The following ADAMTSL1 variants were observed in gnomAD, a reference collection of about 807,000 sequenced individuals.
ADAMTSL1 encodes the protein ADAMTS like 1.
Under a neutral mutation model 201.8 loss-of-function variants are expected in ADAMTSL1, and 126 were observed. That is an observed-to-expected ratio of 0.62 (90% CI 0.54 to 0.72). The LOEUF (loss-of-function observed/expected upper bound fraction) is 0.72. Among genes scored for constraint, ADAMTSL1 ranks in the 30% least tolerant of loss-of-function variants. The pLI, the probability that ADAMTSL1 is intolerant of heterozygous loss-of-function variation, is 0.00. For synonymous variants in ADAMTSL1, 1,121 were observed against 903.4 expected (o/e 1.24, Z -4.32); for missense variants, 2,679 against 2,277.8 (o/e 1.18, Z -3.59).
At chr9:18,657,586 C>T (rs1445757512) in intron 7 of ADAMTSL1, 53 bp from the exon 8 acceptor site, 1 of 1,391,858 alleles carries the variant, frequency 7.2e-7, no homozygotes, top group South Asian at 1.2e-5. Context: ...CTGCAAGGGA[C>T]CAGAAAGCAC....
At chr9:18,283,906 A>T in intron 2 of ADAMTSL1, among the ~76,000 whole-genome samples, 1 of 144,004 alleles carries the variant, frequency 6.9e-6, no homozygotes, top group Non-Finnish European at 1.5e-5. Flanking sequence ...CAACAGAGCA[A>T]GACTCCGTCT....
intron 2 of ADAMTSL1, among the ~76,000 whole-genome samples, chr9:18,403,886 G>C (rs1390428273): frequency 6.6e-6 from 1 of 152,044 alleles, no homozygotes; most frequent in Admixed American, 6.6e-5. Context: ...TTAACTTTGA[G>C]GGCCTGTTGT....
chr9:18,473,933 C>T (rs184365154), upstream of ADAMTSL1: 1 of 388,544 alleles, frequency 2.6e-6, no homozygotes, highest in Non-Finnish European at 4.6e-6. Context: ...CTTTCTTTTT[C>T]GTCCTTTTCC....
In ADAMTSL1 at chr9:18,525,142, A is replaced by T. The variant is rs551706750; in HGVS notation, c.192-8105A>T. ...GAGCCTGTTATTGGTCTAGTCAGGG[A>T]TTCAACTTCTTCCTGGTTTAGTCTT... On this transcript the variant is annotated intron_variant, in intron 2 of 28. Coordinates refer to ENST00000380548, the MANE Select transcript of ADAMTSL1 (RefSeq NM_001040272.6). 4.6e-5 allele frequency among the ~76,000 whole-genome samples: 7 copies of T among 152,250 alleles called. No individual in the cohort carries two copies. The South Asian group carries it at 8.3e-4, about 18-fold the overall frequency.
At chr9:18,149,703 A>G (rs777810073) in intron 1 of ADAMTSL1, among the ~76,000 whole-genome samples, 5 of 152,072 alleles carry the variant, frequency 3.3e-5, no homozygotes, top group Non-Finnish European at 7.4e-5. Flanking sequence ...TGTGATTGGC[A>G]CTGTTTTTTA....
intron 3 of ADAMTSL1, among the ~76,000 whole-genome samples, chr9:18,557,793 A>T (rs1025462691): frequency 6.6e-6 from 1 of 152,050 alleles, no homozygotes; most frequent in Non-Finnish European, 1.5e-5. Context: ...TCCATGAAGC[A>T]ACTGCAATCT....
intron 9 of ADAMTSL1, among the ~76,000 whole-genome samples, chr9:18,671,888 T>G (rs1269229638): frequency 6.6e-6 from 1 of 151,816 alleles, no homozygotes; most frequent in Non-Finnish European, 1.5e-5. Context: ...ATACAAAAAA[T>G]TATCCGGGCG....
chr9:17,995,347 G>A (rs1042061934), intron 1 of ADAMTSL1, among the ~76,000 whole-genome samples: 6 of 152,102 alleles, frequency 3.9e-5, no homozygotes, highest in African/African-American at 1.4e-4. Flanking sequence ...AGGTAGGACT[G>A]CTTTTACCAG....
chr9:18,589,873 A>G (rs1823795345), intron 4 of ADAMTSL1, among the ~76,000 whole-genome samples: 1 of 152,156 alleles, frequency 6.6e-6, no homozygotes, highest in South Asian at 2.1e-4. Flanking sequence ...TATCATTATT[A>G]ATTTGTAAAT....
intron 2 of ADAMTSL1, among the ~76,000 whole-genome samples, chr9:18,302,441 G>A (rs10963564): frequency 0.15 from 22,886 of 152,108 alleles, 2,286 homozygotes; most frequent in African/African-American, 0.27. Context: ...TTAGCCCTTC[G>A]TTATAGGAGT....
chr9:18,716,688 C>T (rs1167285822), intron 14 of ADAMTSL1, among the ~76,000 whole-genome samples: 1 of 148,082 alleles, frequency 6.8e-6, no homozygotes, highest in Non-Finnish European at 1.5e-5. Flanking sequence ...GGCGATTCCT[C>T]AGGGATCTAG....
At chr9:18,838,881 TTA>T (rs928731214) in intron 23 of ADAMTSL1, among the ~76,000 whole-genome samples, 22 of 146,082 alleles carry the variant, frequency 1.5e-4, no homozygotes, top group East Asian at 1.2e-3. Flanking sequence ...TCTCTTTTTT[TTA>T]AAAAAAAAAA....
At chr9:18,179,009 A>T (rs376245923) in intron 2 of ADAMTSL1, among the ~76,000 whole-genome samples, 1 of 152,378 alleles carries the variant, frequency 6.6e-6, no homozygotes, top group African/African-American at 2.4e-5. Flanking sequence ...CACCAGCAAC[A>T]GAACAAAGCT....
chr9:18,478,166 T>A lies in ADAMTSL1; in HGVS notation c.63+3871T>A, dbSNP rs1442391764. 2.0e-5 allele frequency among the ~76,000 whole-genome samples: 3 copies of A among 152,148 alleles called. No individual in the cohort carries two copies. The East Asian group carries it at 5.8e-4, about 29-fold the overall frequency. The stretch of plus-strand genomic sequence containing the variant: ...ATTCACATCTCCTAAGTTGATTCTA[T>A]CCTACTAACAATATTACAGTTAGGG... On this transcript the variant is annotated intron_variant, in intron 1 of 28. Transcript: ENST00000380548.
At position 18,804,589 on chromosome 9, in the gene ADAMTSL1, A is replaced by G. The variant is rs530063966; in HGVS notation, c.3805+9065A>G. 2.6e-5 allele frequency among the ~76,000 whole-genome samples: 4 copies of G among 152,360 alleles called. No individual in the cohort carries two copies. In the East Asian group the frequency reaches 7.7e-4, roughly 29 times the overall value. ...CAGAAAAGCTTCTGGCCAGCAAGGA[A>G]TAGTAATGGAACATTAATATTCAGA... On this transcript the variant is annotated intron_variant, in intron 20 of 28. Transcript: ENST00000380548.
At chr9:18,881,685 T>C (rs1049073973) in intron 23 of ADAMTSL1, among the ~76,000 whole-genome samples, 3 of 152,174 alleles carry the variant, frequency 2.0e-5, no homozygotes, top group African/African-American at 7.2e-5. Flanking sequence ...GTAGATTTGC[T>C]TAGCACAGGG....
intron 2 of ADAMTSL1, among the ~76,000 whole-genome samples, chr9:18,531,525 T>C (rs1047440643): frequency 6.6e-6 from 1 of 152,190 alleles, no homozygotes; most frequent in African/African-American, 2.4e-5. Flanking sequence ...CTATTTTTAA[T>C]GCATAGTAAT....
intron 1 of ADAMTSL1, among the ~76,000 whole-genome samples, chr9:18,065,583 CAG>C (rs1311601685): frequency 1.3e-5 from 2 of 152,116 alleles, no homozygotes; most frequent in Non-Finnish European, 2.9e-5. Context: ...AAAATAAACA[CAG>C]GGGTAATAAA....
intron 1 of ADAMTSL1, among the ~76,000 whole-genome samples, chr9:18,057,824 T>A (rs1371984628): frequency 6.6e-6 from 1 of 152,224 alleles, no homozygotes; most frequent in African/African-American, 2.4e-5. Context: ...TTCTTTAGGA[T>A]TGAGTTTTAA....
Sources: allele counts gnomAD v4.1 joint callset (sites outside exome capture counted in the v4.1 genomes callset), GRCh38; gene constraint gnomAD v4.1.1; transcripts MANE v1.5; gene names NCBI Gene and HGNC (gene_info 2026-07-23, HGNC 2026-07-21).